The following FAM156A variants were observed in gnomAD, a reference collection of about 807,000 sequenced individuals.
FAM156A encodes the protein family with sequence similarity 156 member A, also known as protein FAM156A/FAM156B.
At chrX:52,989,736 G>A (rs1451178635) in intron 1 of FAM156A, among the ~76,000 whole-genome samples, 1 of 111,999 alleles carries the variant, frequency 8.9e-6, no homozygotes, top group Admixed American at 9.4e-5. Context: ...GGACAGGGTG[G>A]AGGCGGAGCC....
chrX:52,985,562 G>A (rs1158094257), intron 1 of FAM156A, among the ~76,000 whole-genome samples: 1 of 104,036 alleles, frequency 9.6e-6, no homozygotes, highest in Non-Finnish European at 2.0e-5. Flanking sequence ...AGCTGAAATC[G>A]ATAAGACTGA....
At chrX:52,993,538 C>T (rs1368066210) in intron 1 of FAM156A, among the ~76,000 whole-genome samples, 1 of 107,571 alleles carries the variant, frequency 9.3e-6, no homozygotes, top group Non-Finnish European at 1.9e-5. Flanking sequence ...CCTCAGCCTC[C>T]CAAGTAGCTG....
chrX:52,973,199 C>A (rs1929166071), intron 1 of FAM156A, among the ~76,000 whole-genome samples: 1 of 89,895 alleles, frequency 1.1e-5, no homozygotes, highest in Non-Finnish European at 2.2e-5. Context: ...TACCCTAGAA[C>A]TTAAAGTATA....
At chrX:52,974,871 G>A (rs1242138341) in intron 1 of FAM156A, among the ~76,000 whole-genome samples, 2 of 110,180 alleles carry the variant, frequency 1.8e-5, no homozygotes, top group East Asian at 5.7e-4. Context: ...GTTCCGAAAG[G>A]GACTATTATC....
chrX:52,990,860 C>T (rs1171679031), intron 1 of FAM156A, among the ~76,000 whole-genome samples: 1 of 61,339 alleles, frequency 1.6e-5, no homozygotes, highest in East Asian at 5.9e-4. Flanking sequence ...AGAAAAGATG[C>T]TGGCCCTGGT....
At chrX:52,987,421 G>A (rs1408347879) in intron 1 of FAM156A, among the ~76,000 whole-genome samples, 2 of 111,343 alleles carry the variant, frequency 1.8e-5, no homozygotes, top group Non-Finnish European at 3.8e-5. Flanking sequence ...CCAGAAGGTC[G>A]AGGCTGCAGT....
chrX:52,988,732 T>C (rs1930485135), intron 1 of FAM156A, among the ~76,000 whole-genome samples: 1 of 112,586 alleles, frequency 8.9e-6, no homozygotes, highest in Non-Finnish European at 1.9e-5. Flanking sequence ...TATCCTCTTT[T>C]ATATCTGGCT....
At chrX:52,974,635 G>A (rs1454367214) in intron 1 of FAM156A, among the ~76,000 whole-genome samples, 2 of 111,161 alleles carry the variant, frequency 1.8e-5, no homozygotes, top group African/African-American at 3.3e-5. Context: ...ATGACCTATG[G>A]AGCCATCTTA....
At chrX:52,988,245 CA>C (rs60628809) in intron 1 of FAM156A, among the ~76,000 whole-genome samples, 49 of 77,693 alleles carry the variant, frequency 6.3e-4, no homozygotes, top group Middle Eastern at 6.6e-3. Flanking sequence ...GACTCTGTCT[CA>C]AAAAAAAAAA....
chrX:52,977,861 C>G (rs1473571320), intron 1 of FAM156A, among the ~76,000 whole-genome samples: 1 of 111,901 alleles, frequency 8.9e-6, no homozygotes, highest in Non-Finnish European at 1.9e-5. Flanking sequence ...CCATCAGATT[C>G]AGATCTTCAC....
intron 1 of FAM156A, among the ~76,000 whole-genome samples, chrX:52,982,515 A>C (rs1339353641): frequency 8.9e-6 from 1 of 112,113 alleles, no homozygotes; most frequent in Non-Finnish European, 1.9e-5. Flanking sequence ...ACGATATATT[A>C]ATCAGTTAAA....
chrX:52,987,656 A>G (rs1930390070), intron 1 of FAM156A, among the ~76,000 whole-genome samples: 1 of 110,756 alleles, frequency 9.0e-6, no homozygotes, highest in Admixed American at 9.7e-5. Context: ...TCAAAAAAAA[A>G]AAAAAAAATC....
At chrX:52,992,655 A>G (rs1328172342) in intron 1 of FAM156A, among the ~76,000 whole-genome samples, 1 of 109,663 alleles carries the variant, frequency 9.1e-6, no homozygotes, top group Non-Finnish European at 1.9e-5. Flanking sequence ...GTATGTTTTA[A>G]TGACAAGCAA....
At chrX:52,992,618 T>TG (rs2146638236) in intron 1 of FAM156A, among the ~76,000 whole-genome samples, 1 of 110,254 alleles carries the variant, frequency 9.1e-6, no homozygotes, top group African/African-American at 3.3e-5. Flanking sequence ...TTTTTTTTTT[T>TG]GCCTGAGAGT....
chrX:52,989,625 A>G (rs1313112538), intron 1 of FAM156A, among the ~76,000 whole-genome samples: 3 of 112,130 alleles, frequency 2.7e-5, no homozygotes, highest in Non-Finnish European at 3.8e-5. Context: ...AGCTGTATGG[A>G]GATTGTCTGC....
At chrX:52,994,359 A>AC (rs1243945488) in intron 1 of FAM156A, among the ~76,000 whole-genome samples, 38 of 108,093 alleles carry the variant, frequency 3.5e-4, no homozygotes, top group South Asian at 2.8e-3. Context: ...CTAGACAGAG[A>AC]CCCCCCCCAA....
At chrX:52,990,797 G>GAAAAGAAAGAAAAGA (rs10547016) in intron 1 of FAM156A, among the ~76,000 whole-genome samples, 11 of 69,594 alleles carry the variant, frequency 1.6e-4, no homozygotes, top group African/African-American at 5.9e-4. Flanking sequence ...GAAAAGAAAA[G>GAAAAGAAAGAAAAGA]AAAGAAAAGA....
chrX:52,988,231 G>C (rs1930439849), intron 1 of FAM156A, among the ~76,000 whole-genome samples: 1 of 102,051 alleles, frequency 9.8e-6, no homozygotes, highest in African/African-American at 3.7e-5. Flanking sequence ...GGGCAACAGA[G>C]CAAGACTCTG....
chrX:52,989,172 C>T (rs1930511312), intron 1 of FAM156A, among the ~76,000 whole-genome samples: 3 of 111,221 alleles, frequency 2.7e-5, no homozygotes, highest in Admixed American at 1.9e-4. Flanking sequence ...TCACTGGGCT[C>T]GTCTCGGGGC....
Sources: allele counts gnomAD v4.1 joint callset (sites outside exome capture counted in the v4.1 genomes callset), GRCh38; gene constraint gnomAD v4.1.1; transcripts MANE v1.5; gene names NCBI Gene and HGNC (gene_info 2026-07-23, HGNC 2026-07-21).